Variants in CLMP observed in about 807,000 individuals in gnomAD.
The protein encoded by CLMP is CXADR-like membrane protein.
In CLMP, 27 loss-of-function variants were observed where a neutral mutation model predicts 45.2. The ratio of observed to expected loss-of-function variants is 0.60; its 90% confidence interval spans 0.44 to 0.82. The LOEUF is 0.82. CLMP is among the 40% of genes least tolerant of loss of function. The probability of loss-of-function intolerance (pLI) is 0.00; values close to 1 mark genes in which losing one functional copy is unlikely to be tolerated. For missense variants in CLMP, 403 were observed against 448.4 expected (o/e 0.90, Z 0.91); for synonymous variants, 167 against 171.4 (o/e 0.97, Z 0.20).
intron 1 of CLMP, among the ~76,000 whole-genome samples, chr11:123,119,809 C>T (rs997556396): frequency 6.6e-6 from 1 of 152,016 alleles, no homozygotes; most frequent in African/African-American, 2.4e-5. Context: ...GTCTCAGCCT[C>T]CCCAGTAGTT....
chr11:123,109,076 A>AG (rs1358336502), intron 1 of CLMP, among the ~76,000 whole-genome samples: 2 of 151,614 alleles, frequency 1.3e-5, no homozygotes, highest in East Asian at 1.9e-4. Flanking sequence ...AAAAAAAAAA[A>AG]AAAAGAAAGA....
chr11:123,184,673 G>A (rs1425477179), intron 1 of CLMP, among the ~76,000 whole-genome samples: 1 of 152,248 alleles, frequency 6.6e-6, no homozygotes, highest in Non-Finnish European at 1.5e-5. Context: ...ACATTGCTGG[G>A]AGGGCTTTGA....
intron 1 of CLMP, among the ~76,000 whole-genome samples, chr11:123,177,687 C>A (rs143647110): frequency 2.1e-3 from 312 of 151,970 alleles, no homozygotes; most frequent in African/African-American, 7.3e-3. Context: ...CTGTGCCCAG[C>A]CTTGAGATGC....
intron 1 of CLMP, among the ~76,000 whole-genome samples, chr11:123,147,582 G>A (rs548612531): frequency 6.6e-6 from 1 of 152,138 alleles, no homozygotes; most frequent in East Asian, 1.9e-4. Flanking sequence ...CCAGCAGCGA[G>A]CCTTTCTTGA....
rs1486179087 is a variant in CLMP at position 123,083,333 on chromosome 11, G to T, written c.557-126C>A. On this transcript the variant is annotated intron_variant, in intron 4 of 6. Transcript: ENST00000448775. ...TTGATAAGAATGAAATGATGGAAAA[G>T]ATATCCTTTGGGAACATGAGAAGAA... 5.0e-6 allele frequency: 5 copies of T among 993,802 alleles called. No homozygotes were observed. In the East Asian group the frequency reaches 1.2e-4, roughly 25 times the overall value. The allele number at this position is 993,802 out of a possible 1,614,324, so 61.6% of individuals were successfully genotyped here.
intron 1 of CLMP, among the ~76,000 whole-genome samples, chr11:123,099,111 C>T (rs562199793): frequency 2.0e-5 from 3 of 152,278 alleles, no homozygotes; most frequent in African/African-American, 7.2e-5. Context: ...GAATTGCAGG[C>T]ATGAGCCACC....
At chr11:123,090,180 T>G (rs1410397403) in intron 2 of CLMP, among the ~76,000 whole-genome samples, 4 of 151,862 alleles carry the variant, frequency 2.6e-5, no homozygotes, top group Admixed American at 6.6e-5. Context: ...GCATGGTGGC[T>G]TACACCTCTA....
rs189182753 is a variant in CLMP, at chr11:123,114,821, T to C, written c.29-16869A>G. Among the ~76,000 whole-genome samples the C allele has an allele frequency of 2.1e-3, 317 of 152,286 alleles. 5 individuals are homozygous for C. Among genetic ancestry groups the C allele is most frequent in the Non-Finnish European group, 4.1e-4 (28 of 68,026 alleles). On this transcript the variant is annotated intron_variant, in intron 1 of 6. Coordinates refer to ENST00000448775, the MANE Select transcript of CLMP (RefSeq NM_024769.5). ...ATCTTGTGAAGTAAGCACTATTATC[T>C]TCATTCTACAGACAGATACTGAAAT...
In CLMP at chr11:123,073,040, A is replaced by C. The variant is rs1427201410; in HGVS notation, c.*434T>G. 1.2e-5 allele frequency: 2 copies of C among 163,298 alleles called. No homozygotes were observed. Among genetic ancestry groups the C allele is most frequent in the Non-Finnish European group, 2.7e-5 (2 of 74,492 alleles). The allele number at this position is 163,298 out of a possible 1,614,324, so 10.1% of individuals were successfully genotyped here. A position where few individuals can be genotyped will look rare whatever the true frequency, so the allele number is the denominator to read the frequency against. ...CTGTGGGTTCTGCTTGACTGTCTGA[A>C]TAACTAATAATCCAATAAGTTTGCA... is the stretch of plus-strand genomic sequence containing the variant. On this transcript the variant is annotated 3_prime_UTR_variant, in exon 7 of 7. Coordinates refer to ENST00000448775, the MANE Select transcript of CLMP (RefSeq NM_024769.5).
In CLMP at chr11:123,097,921, G is replaced by C; in HGVS notation, c.60C>G (p.His20Gln). 6.3e-7 allele frequency: 1 copy of C among 1,594,870 alleles called. No homozygotes were observed. Among genetic ancestry groups the C allele is most frequent in the Non-Finnish European group, 8.5e-7 (1 of 1,170,838 alleles). Residue 20 changes from histidine (H) to glutamine (Q), a missense_variant, in exon 2 of 7, where the codon CAC (histidine) becomes CAG (glutamine). Physicochemically the swap from His to Gln is conservative, Grantham distance 24. Transcript: ENST00000448775. ...CCTCTGCCACTCTCTTGATCTCAGT[G>C]TGAGTCCCCAAGGTTCCAACATAGT... ...VSYYVGTLGT[H>Q]TEIKRVAEEK...
chr11:123,126,896 TA>T (rs896078765), intron 1 of CLMP, among the ~76,000 whole-genome samples: 234 of 140,908 alleles, frequency 1.7e-3, no homozygotes, highest in African/African-American at 1.5e-3. Context: ...GACTCCATCT[TA>T]AAAAAAAAAA....
chr11:123,115,632 T>A (rs1860710446), intron 1 of CLMP, among the ~76,000 whole-genome samples: 1 of 152,122 alleles, frequency 6.6e-6, no homozygotes, highest in Non-Finnish European at 1.5e-5. Flanking sequence ...TGGTTACTCC[T>A]GGAGTAAGCA....
chr11:123,150,481 A>AAGAAAGAAAGAAAG (rs1565397448), intron 1 of CLMP, among the ~76,000 whole-genome samples: 9 of 89,582 alleles, frequency 1.0e-4, no homozygotes, highest in Non-Finnish European at 1.6e-4. Flanking sequence ...GAAAGAAAGA[A>AAGAAAGAAAGAAAG]AGGAAGGAAG....
At chr11:123,188,197 C>T (rs1454761358) in intron 1 of CLMP, among the ~76,000 whole-genome samples, 2 of 152,138 alleles carry the variant, frequency 1.3e-5, no homozygotes, top group Non-Finnish European at 2.9e-5. Context: ...CTCTAGCAGG[C>T]GCACCCGCTC....
At chr11:123,086,586 A>G (rs1213038378) in intron 2 of CLMP, among the ~76,000 whole-genome samples, 1 of 152,232 alleles carries the variant, frequency 6.6e-6, no homozygotes, top group African/African-American at 2.4e-5. Context: ...TGACCCAGAA[A>G]AAACTCACAT....
At chr11:123,165,897 C>T (rs1460408208) in intron 1 of CLMP, among the ~76,000 whole-genome samples, 3 of 152,194 alleles carry the variant, frequency 2.0e-5, no homozygotes, top group Admixed American at 2.0e-4. Flanking sequence ...CCACAGTCAG[C>T]AACCAGATTG....
chr11:123,090,244 G>C (rs1258045139), intron 2 of CLMP, among the ~76,000 whole-genome samples: 1 of 146,566 alleles, frequency 6.8e-6, no homozygotes, highest in Non-Finnish European at 1.5e-5. Flanking sequence ...AGGAGATTGA[G>C]ACCAGCCTGG....
chr11:123,132,921 C>T (rs2135510072), intron 1 of CLMP, among the ~76,000 whole-genome samples: 1 of 152,000 alleles, frequency 6.6e-6, no homozygotes, highest in South Asian at 2.1e-4. Flanking sequence ...GCGTGCACCA[C>T]CATGCCCAGC....
chr11:123,140,748 G>A (rs1433848663), intron 1 of CLMP, among the ~76,000 whole-genome samples: 1 of 152,098 alleles, frequency 6.6e-6, no homozygotes, highest in African/African-American at 2.4e-5. Context: ...AGTGTACAGT[G>A]GCCTCTATTC....
Sources: allele counts gnomAD v4.1 joint callset (sites outside exome capture counted in the v4.1 genomes callset), GRCh38; gene constraint gnomAD v4.1.1; transcripts MANE v1.5; gene names NCBI Gene and HGNC (gene_info 2026-07-23, HGNC 2026-07-21).